The following NUMB variants were observed in gnomAD, a reference collection of about 807,000 sequenced individuals.
NUMB encodes NUMB endocytic adaptor protein, also known as protein numb homolog.
Under a neutral mutation model 59.7 loss-of-function variants are expected in NUMB, and 29 were observed. The observed-to-expected ratio is 0.49, with a 90% CI of 0.36 to 0.66. The LOEUF is 0.66. Ranked by LOEUF, NUMB falls within the 30% of genes least tolerant of loss-of-function variation. NUMB has a pLI of 0.00. For missense variants in NUMB, 723 were observed against 822.0 expected (o/e 0.88, Z 1.47); for synonymous variants, 288 against 288.2 (o/e 1.00, Z 0.01).
At chr14:73,345,305 T>C (rs555086074) in intron 4 of NUMB, among the ~76,000 whole-genome samples, 7 of 152,204 alleles carry the variant, frequency 4.6e-5, no homozygotes, top group Admixed American at 1.3e-4. Flanking sequence ...TGAATACACA[T>C]GGATACAAAG....
chr14:73,329,844 T>C (rs1201592165), intron 4 of NUMB, among the ~76,000 whole-genome samples: 1 of 152,212 alleles, frequency 6.6e-6, no homozygotes, highest in Non-Finnish European at 1.5e-5. Context: ...AGAGTTTATA[T>C]ATTTGAAGCA....
At chr14:73,328,246 G>A (rs2139938936) in intron 4 of NUMB, among the ~76,000 whole-genome samples, 1 of 148,520 alleles carries the variant, frequency 6.7e-6, no homozygotes, top group East Asian at 2.0e-4. Context: ...GTGCACTCCA[G>A]CCTGGGAGAC....
At chr14:73,448,460 G>A (rs1300387669) in intron 1 of NUMB, among the ~76,000 whole-genome samples, 2 of 151,998 alleles carry the variant, frequency 1.3e-5, no homozygotes, top group African/African-American at 4.8e-5. Flanking sequence ...CAAAGTGCTG[G>A]GATTAAAGGC....
intron 9 of NUMB, chr14:73,284,740 T>C (rs1888868031): frequency 1.1e-5 from 2 of 175,768 alleles, no homozygotes; most frequent in Non-Finnish European, 2.4e-5. Context: ...GAGGAGAACT[T>C]TGGGAACTGT....
chr14:73,438,389 G>C (rs1175516619), intron 1 of NUMB, among the ~76,000 whole-genome samples: 1 of 152,102 alleles, frequency 6.6e-6, no homozygotes, highest in Non-Finnish European at 1.5e-5. Flanking sequence ...CCAGCACTTT[G>C]GGAGGCCGAG....
intron 5 of NUMB, among the ~76,000 whole-genome samples, chr14:73,320,027 G>A (rs921656222): frequency 6.6e-6 from 1 of 152,046 alleles, no homozygotes; most frequent in South Asian, 2.1e-4. Flanking sequence ...AGCTACTCGG[G>A]AGGCTGAGGC....
chr14:73,446,558 T>C (rs1302476395), intron 1 of NUMB, among the ~76,000 whole-genome samples: 1 of 149,204 alleles, frequency 6.7e-6, no homozygotes, highest in Non-Finnish European at 1.5e-5. Flanking sequence ...TGAGCCAAGA[T>C]AGTGCCACTG....
rs73306841 is a variant in NUMB, at chr14:73,276,480, A to G, written c.*98T>C. The G allele has an allele frequency of 7.1e-3, 6,347 of 888,556 alleles. 253 individuals carry two copies. In the African/African-American group the frequency reaches 0.084, roughly 12 times the overall value. 55.0% of individuals were successfully genotyped at this position (888,556 alleles called of 1,614,324 possible). On this transcript the variant is annotated 3_prime_UTR_variant, in exon 13 of 13. Coordinates refer to ENST00000555238, the MANE Select transcript of NUMB (RefSeq NM_001005743.2). The stretch of plus-strand genomic sequence containing the variant: ...CCTTGGGACCTTTGGGATTAGTGAA[A>G]AGAGTACTAATCAGGAGACAAAGTC...
At chr14:73,348,677 A>G (rs190346861) in intron 4 of NUMB, among the ~76,000 whole-genome samples, 4 of 152,344 alleles carry the variant, frequency 2.6e-5, no homozygotes, top group Admixed American at 2.6e-4. Context: ...ACCCCAGGCC[A>G]TGAAAAAATT....
Position 73,320,856 on chromosome 14 carries a change from ATCT to A in NUMB, c.201+2271_201+2273del, listed in dbSNP as rs146535219. ...TATGCCTCAAGCAATCACGCCTATT[ATCT>A]TCTTGGTTTAAAAAAAAAAAAGGTA... On this transcript the variant is annotated intron_variant, in intron 5 of 12. Coordinates refer to ENST00000555238, the MANE Select transcript of NUMB (RefSeq NM_001005743.2). 7.0e-3 allele frequency among the ~76,000 whole-genome samples: 1,057 copies of A among 151,214 alleles called. 16 individuals carry two copies. The highest frequency in any genetic ancestry group is 0.025 in the African/African-American group (1,014 of 41,264).
chr14:73,393,196 G>C (rs567510692), intron 2 of NUMB, among the ~76,000 whole-genome samples: 2 of 152,302 alleles, frequency 1.3e-5, no homozygotes, highest in Admixed American at 1.3e-4. Flanking sequence ...AATAATCTGA[G>C]ATGGTTTTCA....
intron 1 of NUMB, among the ~76,000 whole-genome samples, chr14:73,453,026 A>G (rs189584238): frequency 3.9e-5 from 6 of 152,352 alleles, no homozygotes; most frequent in African/African-American, 1.4e-4. Context: ...TAGATCCTCC[A>G]GACTCCTCCC....
At chr14:73,343,761 T>C (rs1892761388) in intron 4 of NUMB, among the ~76,000 whole-genome samples, 1 of 124,174 alleles carries the variant, frequency 8.1e-6, no homozygotes, top group South Asian at 2.7e-4. Context: ...AGCTTTGTGT[T>C]GATATCAAAA....
Position 73,417,938 on chromosome 14 carries a change from C to T in NUMB, c.-232-7870G>A, listed in dbSNP as rs183542433. ...TGACCAACATGGTGAAACCCCATCT[C>T]TACTAAAAGTACAAAAATTAGCCGG... On this transcript the variant is annotated intron_variant, in intron 1 of 12. Coordinates refer to ENST00000555238, the MANE Select transcript of NUMB (RefSeq NM_001005743.2). Among the ~76,000 whole-genome samples the T allele has an allele frequency of 9.9e-5, 15 of 152,252 alleles. No homozygotes were observed. The East Asian group carries it at 2.9e-3, about 29-fold the overall frequency.
intron 4 of NUMB, among the ~76,000 whole-genome samples, chr14:73,351,794 G>T (rs1893290442): frequency 6.6e-6 from 1 of 151,894 alleles, no homozygotes; most frequent in Non-Finnish European, 1.5e-5. Context: ...GGCTAACATG[G>T]TGAAACCCCG....
chr14:73,338,113 C>A (rs78884405), intron 4 of NUMB, among the ~76,000 whole-genome samples: 1 of 151,762 alleles, frequency 6.6e-6, no homozygotes, highest in Non-Finnish European at 1.5e-5. Context: ...AGTGAGACCC[C>A]CCCACCCCCA....
chr14:73,369,914 C>T (rs1010539858), intron 2 of NUMB, among the ~76,000 whole-genome samples: 18 of 152,290 alleles, frequency 1.2e-4, no homozygotes, highest in African/African-American at 4.3e-4. Flanking sequence ...ATACCACTAT[C>T]TTAATTAACT....
intron 4 of NUMB, among the ~76,000 whole-genome samples, chr14:73,325,496 A>G (rs1389793944): frequency 1.3e-5 from 2 of 152,200 alleles, no homozygotes; most frequent in South Asian, 2.1e-4. Flanking sequence ...AAAATAAAAA[A>G]CAAAAATCCA....
At position 73,277,824 on chromosome 14, in the gene NUMB, G is replaced by A. The variant is rs138224396; in HGVS notation, c.1241-531C>T. On this transcript the variant is annotated intron_variant, in intron 12 of 12. Transcript: ENST00000555238. ...TGTAATCCCAGCACTTTGGGAGGCC[G>A]AGGTGGGCAGATCACCTGAGGTCAA... is the stretch of plus-strand genomic sequence containing the variant. Among the ~76,000 whole-genome samples, 1,036 of 151,960 alleles carry A rather than the reference G, an allele frequency of 6.8e-3. 5 individuals carry two copies. Among genetic ancestry groups the A allele is most frequent in the South Asian group, 0.03 (143 of 4,802 alleles).
Sources: gnomAD v4.1 joint callset for allele counts (sites outside exome capture counted in the v4.1 genomes callset) on GRCh38, gnomAD v4.1.1 for gene constraint, MANE v1.5 for transcripts, NCBI Gene and HGNC (gene_info 2026-07-23, HGNC 2026-07-21) for gene names.